The following RRP1B variants were observed in gnomAD, a reference collection of about 807,000 sequenced individuals.
RRP1B encodes ribosomal RNA processing 1B, also known as ribosomal RNA processing protein 1 homolog B.
In RRP1B, 56 loss-of-function variants were observed where a neutral mutation model predicts 80.2. The ratio of observed to expected loss-of-function variants is 0.70; its 90% CI spans 0.56 to 0.87. The LOEUF (loss-of-function observed/expected upper bound fraction) is 0.87. Ranked by LOEUF, RRP1B falls within the 40% of genes least tolerant of loss-of-function variation. The pLI is 0.00. For synonymous variants in RRP1B, 351 were observed against 357.6 expected (o/e 0.98, Z 0.21); for missense variants, 807 against 939.8 (o/e 0.86, Z 1.85).
At position 43,674,650 on chromosome 21, in the gene RRP1B, C is replaced by G; in HGVS notation, c.372C>G (p.Val124=). 6.8e-7 allele frequency: 1 copy of G among 1,481,414 alleles called. No individual in the cohort carries two copies. 91.8% of individuals were successfully genotyped at this position (1,481,414 alleles called of 1,614,324 possible). A position where few individuals can be genotyped will look rare whatever the true frequency, so the allele number is the denominator to read the frequency against. The change falls in exon 5 of 16, where the codon GTC becomes GTG. Residue 124 remains valine, a synonymous_variant. Coordinates refer to ENST00000340648, the MANE Select transcript of RRP1B (RefSeq NM_015056.3). ...CCTTTCTTTAGCTGATTCGTCTGGT[C>G]CTGAGGCAGTCCTTTGAAGTCTTGA... is the stretch of plus-strand genomic sequence containing the variant. ...LDKYYMLIRL[V]LRQSFEVLKR...
chr21:43,695,992 T>A lies in RRP1B; in HGVS notation c.*2609T>A, dbSNP rs943712526. 1 of 152,190 alleles carries A rather than the reference T, an allele frequency of 6.6e-6. No homozygotes were observed. The highest frequency in any genetic ancestry group is 2.4e-5 in the African/African-American group (1 of 41,436). 9.4% of individuals were successfully genotyped at this position (152,190 alleles called of 1,614,324 possible). On this transcript the variant is annotated 3_prime_UTR_variant, in exon 16 of 16. Coordinates refer to ENST00000340648, the MANE Select transcript of RRP1B (RefSeq NM_015056.3). ...TGGACTATGCTGGCAAGGACTTTGT[T>A]TACGATCAAATTGTACTAGTGTCTG...
chr21:43,666,411 A>G (rs1955979339), intron 1 of RRP1B, among the ~76,000 whole-genome samples: 1 of 152,136 alleles, frequency 6.6e-6, no homozygotes, highest in Admixed American at 6.5e-5. Flanking sequence ...GTTGTGCTTC[A>G]CTTTCCCCCT....
chr21:43,683,558 T>G (rs967950806), intron 9 of RRP1B, among the ~76,000 whole-genome samples, 185 bp downstream of exon 9: 1 of 152,142 alleles, frequency 6.6e-6, no homozygotes, highest in African/African-American at 2.4e-5. Context: ...GTAAATATGA[T>G]GGAGTTTTGA....
At chr21:43,669,662 C>T (rs1486337009) in intron 1 of RRP1B, among the ~76,000 whole-genome samples, 1 of 152,208 alleles carries the variant, frequency 6.6e-6, no homozygotes, top group African/African-American at 2.4e-5. Flanking sequence ...CACGCTGAGG[C>T]CGGGCCACCA....
At chr21:43,669,688 G>A (rs2082991843) in intron 1 of RRP1B, among the ~76,000 whole-genome samples, 196 bp from the exon 2 acceptor site, 1 of 152,206 alleles carries the variant, frequency 6.6e-6, no homozygotes, top group Non-Finnish European at 1.5e-5. Flanking sequence ...ACCCTACCCT[G>A]TAGCTGATAA....
chr21:43,667,706 A>G (rs1179543427), intron 1 of RRP1B, among the ~76,000 whole-genome samples: 1 of 152,202 alleles, frequency 6.6e-6, no homozygotes, highest in Non-Finnish European at 1.5e-5. Context: ...TCATGACCGC[A>G]GTTGGCTCAG....
In RRP1B at chr21:43,691,272, G is replaced by C. The variant is rs75765029; in HGVS notation, c.2020-167G>C. Among the ~76,000 whole-genome samples the C allele has an allele frequency of 6.6e-6, 1 of 152,150 alleles. No individual in the cohort carries two copies. Among genetic ancestry groups the C allele is most frequent in the Admixed American group, 6.5e-5 (1 of 15,270 alleles). ...CTGGTGAAGCCCCGACAGGAGGGTC[G>C]GTTTCAGTCTTGGCCGCAGTCCCTT... On this transcript the variant is annotated intron_variant, in intron 14 of 15. Transcript: ENST00000340648. This position sits in a 1 kb window ranked among gnomAD's most constrained non-coding sequence, Gnocchi z 4.2.
In RRP1B at chr21:43,674,692, A is replaced by C; in HGVS notation, c.414A>C (p.Glu138Asp). 1 of 1,604,488 alleles carries C rather than the reference A, an allele frequency of 6.2e-7. No individual in the cohort carries two copies. Among genetic ancestry groups the C allele is most frequent in the South Asian group, 1.1e-5 (1 of 90,152 alleles). The change falls in exon 5 of 16, where the codon GAA becomes GAC. Residue 138 changes from glutamate (E) to aspartate (D), a missense_variant. Transcript: ENST00000340648. ...AAGTCTTGAAGCGAAATGGCTGGGA[A>C]GAAAGGTCAGTAAACCATTTGAGTT... ...SFEVLKRNGW[E>D]ESRIKVFLDV... is the part of the protein sequence containing the mutation.
chr21:43,689,126 C>T (rs560765296), intron 13 of RRP1B, among the ~76,000 whole-genome samples: 19 of 152,354 alleles, frequency 1.2e-4, no homozygotes, highest in Admixed American at 2.6e-4. Context: ...CAGGCCAGGG[C>T]CGGCAAACGT....
intron 13 of RRP1B, 87 bp downstream of exon 13, chr21:43,688,327 G>A (rs1208167316): frequency 6.3e-6 from 9 of 1,435,774 alleles, no homozygotes; most frequent in Non-Finnish European, 8.3e-6. Context: ...GAGGAAGGGT[G>A]GGGGCTGGCG....
At chr21:43,677,065 G>T in intron 8 of RRP1B, 151 bp downstream of exon 8, 3 of 748,854 alleles carry the variant, frequency 4.0e-6, no homozygotes, top group South Asian at 1.9e-5. Context: ...AGCAGAGGTG[G>T]GTTCATTGTG....
intron 9 of RRP1B, among the ~76,000 whole-genome samples, chr21:43,684,075 A>AT (rs538807611): frequency 0.044 from 6,022 of 135,788 alleles, 463 homozygotes; most frequent in African/African-American, 0.15. Flanking sequence ...CCCAAGAATA[A>AT]TTTTTTTTTT....
intron 1 of RRP1B, among the ~76,000 whole-genome samples, chr21:43,661,194 G>C (rs1206610455): frequency 2.0e-5 from 3 of 152,276 alleles, no homozygotes; most frequent in South Asian, 2.1e-4. Flanking sequence ...ATTTTGTTTA[G>C]TCTCACAGTT....
chr21:43,674,796 G>A (rs772539520), intron 5 of RRP1B, 99 bp downstream of exon 5: 17 of 1,132,894 alleles, frequency 1.5e-5, no homozygotes, highest in South Asian at 6.8e-5. Flanking sequence ...TGAGAAGCTC[G>A]ATACATCGTT....
At chr21:43,679,761 G>C (rs766821382) in intron 8 of RRP1B, among the ~76,000 whole-genome samples, 1 of 152,108 alleles carries the variant, frequency 6.6e-6, no homozygotes. Context: ...CTACCCATCC[G>C]TGAGCATGGG....
rs867334156 is a variant in RRP1B, at chr21:43,695,256, A to G, written c.*1873A>G. On this transcript the variant is annotated 3_prime_UTR_variant, in exon 16 of 16. Transcript: ENST00000340648. Reference sequence around the variant, plus strand: ...AGCTTTAAAGATGGGTCATATAGCCAAACGGGCCATATAATCCAACATTGT... The same window carrying G: ...AGCTTTAAAGATGGGTCATATAGCCGAACGGGCCATATAATCCAACATTGT... 20 of 152,230 alleles carry G rather than the reference A, an allele frequency of 1.3e-4. No homozygotes were observed. The highest frequency in any genetic ancestry group is 1.1e-3 in the Admixed American group (17 of 15,286). 9.4% of individuals were successfully genotyped at this position (152,230 alleles called of 1,614,324 possible). A position where few individuals can be genotyped will look rare whatever the true frequency, so the allele number is the denominator to read the frequency against.
chr21:43,687,576 G>GGAA lies in RRP1B; in HGVS notation c.1216_1218dup (p.Lys406dup), dbSNP rs750100967. 7.1e-5 allele frequency: 107 copies of GGAA among 1,507,374 alleles called. No individual in the cohort carries two copies. Among genetic ancestry groups the GGAA allele is most frequent in the African/African-American group, 2.4e-4 (17 of 71,774 alleles). The allele number at this position is 1,507,374 out of a possible 1,614,324, so 93.4% of individuals were successfully genotyped here. ...GAAAGCAGTCTTCAAAAGAGAAGAA[G>GGAA]GAAGAAGAAGAAGAAGCACCACCTG... On this transcript the variant is annotated inframe_insertion, in exon 13 of 16. Coordinates refer to ENST00000340648, the MANE Select transcript of RRP1B (RefSeq NM_015056.3).
At chr21:43,662,842 A>G (rs1038128155) in intron 1 of RRP1B, among the ~76,000 whole-genome samples, 6 of 152,228 alleles carry the variant, frequency 3.9e-5, no homozygotes, top group African/African-American at 1.4e-4. Flanking sequence ...ATAGCAGTGA[A>G]CAAAACAGAC....
In RRP1B at chr21:43,687,850, G is replaced by A; in HGVS notation, c.1476G>A (p.Leu492=). Reference sequence around the variant, plus strand: ...GGGAAATGTTGGAATCAGCAGTGTTGCCCCCAGAGGACATGTCTCAGAGTG... The same window carrying A: ...GGGAAATGTTGGAATCAGCAGTGTTACCCCCAGAGGACATGTCTCAGAGTG... ...AHREMLESAV[L]PPEDMSQSGP... Residue 492 remains leucine, a synonymous_variant, in exon 13 of 16, where the codon TTG becomes TTA. Transcript: ENST00000340648. 6.2e-7 allele frequency: 1 copy of A among 1,613,320 alleles called. No individual in the cohort carries two copies. The highest frequency in any genetic ancestry group is 8.5e-7 in the Non-Finnish European group (1 of 1,180,052).
Sources: gnomAD v4.1 joint callset for allele counts (sites outside exome capture counted in the v4.1 genomes callset) on GRCh38, gnomAD v4.1.1 for gene constraint, Gnocchi (gnomAD v3.1) non-coding constraint, MANE v1.5 for transcripts, NCBI Gene and HGNC (gene_info 2026-07-23, HGNC 2026-07-21) for gene names.